PHF12: variants seen among roughly 807,000 people sequenced by gnomAD.
PHF12 encodes PHD finger protein 12.
In PHF12, 6 loss-of-function variants were observed where a neutral mutation model predicts 99.8. That is an observed-to-expected ratio of 0.06 (90% CI 0.03 to 0.12). The LOEUF (loss-of-function observed/expected upper bound fraction) is 0.12. Among genes scored for constraint, PHF12 ranks in the 10% least tolerant of loss-of-function variants. The probability of loss-of-function intolerance (pLI) is 1.00; values close to 1 mark genes in which losing one functional copy is unlikely to be tolerated. For synonymous variants in PHF12, 480 were observed against 514.9 expected, an observed-to-expected ratio of 0.93 and a Z score of 0.92; for missense variants, 954 against 1,300.1, an observed-to-expected ratio of 0.73 and a Z score of 4.09.
Position 28,950,213 on chromosome 17 carries a change from C to G in PHF12, c.100G>C (p.Asp34His). The G allele has an allele frequency of 6.2e-7, 1 of 1,612,388 alleles. No individual in the cohort carries two copies. The highest frequency in any genetic ancestry group is 1.1e-5 in the South Asian group (1 of 91,064). Residue 34 changes from aspartate (D) to histidine (H), a missense_variant, in exon 2 of 15, where the codon GAC becomes CAC. This residue lies in a region of PHF12 where 66 missense variants were observed against 69.4 expected (regional missense o/e 0.95). Coordinates refer to ENST00000332830, the MANE Select transcript of PHF12 (RefSeq NM_001033561.2). This position sits in a 1 kb window ranked among gnomAD's most constrained non-coding sequence, Gnocchi z 5.7. ...IQALLAPPKTDEAEKRSRKPE... is the reference protein window; with the variant it reads ...IQALLAPPKTHEAEKRSRKPE... The stretch of plus-strand genomic sequence containing the variant: ...TTCCGACTGCGCTTTTCTGCCTCGT[C>G]CGTCTTGGGGGGAGCCAGCAGAGCT...
intron 2 of PHF12, among the ~76,000 whole-genome samples, chr17:28,937,136 T>A (rs1385415936): frequency 1.3e-5 from 2 of 152,224 alleles, no homozygotes; most frequent in South Asian, 2.1e-4. Context: ...ATTTAAATTT[T>A]AATTTAAATT....
At chr17:28,933,491 A>G (rs1366333807) in intron 2 of PHF12, among the ~76,000 whole-genome samples, 1 of 152,154 alleles carries the variant, frequency 6.6e-6, no homozygotes, top group African/African-American at 2.4e-5. Flanking sequence ...AGCCTAAGCT[A>G]TTTTTGTTGT....
At position 28,950,226 on chromosome 17, in the gene PHF12, A is replaced by C; in HGVS notation, c.87T>G (p.Ala29=). Reference sequence around the variant, plus strand: ...TTTCTGCCTCGTCCGTCTTGGGGGGAGCCAGCAGAGCTTGGATTTGCTGCA... The same window carrying C: ...TTTCTGCCTCGTCCGTCTTGGGGGGCGCCAGCAGAGCTTGGATTTGCTGCA... ...GLMEQIQALL[A]PPKTDEAEKR... is the part of the protein sequence containing the mutation. Residue 29 remains alanine, a synonymous_variant, in exon 2 of 15, where the codon GCT becomes GCG. Coordinates refer to ENST00000332830, the MANE Select transcript of PHF12 (RefSeq NM_001033561.2). This position sits in a 1 kb window ranked among gnomAD's most constrained non-coding sequence, Gnocchi z 5.7. The C allele has an allele frequency of 6.2e-7, 1 of 1,605,180 alleles. No individual in the cohort carries two copies. Among genetic ancestry groups the C allele is most frequent in the African/African-American group, 1.4e-5 (1 of 73,256 alleles).
chr17:28,906,514 C>T lies in PHF12; in HGVS notation c.2684G>A (p.Arg895His), dbSNP rs774577959. ...TTCGTCCTGTTTCTGGTGCCGGCGG[C>T]GCCCTGGGAAAAAGGGGGATGGTCA... Reference protein sequence around the residue: ...IVAKVQSVIRRRRHQKQDEEP... With the variant: ...IVAKVQSVIRHRRHQKQDEEP... The change falls in exon 15 of 15, where the codon CGC becomes CAC. Residue 895 changes from arginine (R) to histidine (H), a missense_variant. Arg to His is a conservative substitution (Grantham distance 29, BLOSUM62 0). This residue lies in a region of PHF12 where 136 missense variants were observed against 172.3 expected (regional missense o/e 0.79). Transcript: ENST00000332830. This position sits in a 1 kb window ranked among gnomAD's most constrained non-coding sequence, Gnocchi z 4.2. 1.6e-5 allele frequency: 25 copies of T among 1,592,320 alleles called. No individual in the cohort carries two copies. The highest frequency in any genetic ancestry group is 8.6e-5 in the Admixed American group (5 of 57,990).
Position 28,951,424 on chromosome 17 carries a change from C to T in PHF12, c.-464G>A, listed in dbSNP as rs1037588258. 2.0e-6 allele frequency: 2 copies of T among 987,176 alleles called. No homozygotes were observed. Among genetic ancestry groups the T allele is most frequent in the African/African-American group, 1.7e-5 (1 of 57,404 alleles). The allele number at this position is 987,176 out of a possible 1,614,324, so 61.2% of individuals were successfully genotyped here. A position where few individuals can be genotyped will look rare whatever the true frequency, so the allele number is the denominator to read the frequency against. Reference sequence around the variant, plus strand: ...CCCGGGCTCCGCCTCTCGCCGCCGCCGCCGTCTGCGTCCCGGCTGCCGCGC... The same window carrying T: ...CCCGGGCTCCGCCTCTCGCCGCCGCTGCCGTCTGCGTCCCGGCTGCCGCGC... On this transcript the variant is annotated 5_prime_UTR_variant, in exon 1 of 15. Transcript: ENST00000332830.
intron 2 of PHF12, among the ~76,000 whole-genome samples, chr17:28,933,606 C>T (rs987935721): frequency 2.0e-5 from 3 of 152,184 alleles, no homozygotes; most frequent in Non-Finnish European, 1.5e-5. Context: ...AGTGAAATAT[C>T]CATCAGGGTA....
At chr17:28,946,186 C>T (rs1418421074) in intron 2 of PHF12, among the ~76,000 whole-genome samples, 1 of 152,190 alleles carries the variant, frequency 6.6e-6, no homozygotes, top group Non-Finnish European at 1.5e-5. Flanking sequence ...TCTCTAGGGA[C>T]AGGTTTAGTA....
At position 28,949,822 on chromosome 17, in the gene PHF12, T is replaced by G; in HGVS notation, c.248+243A>C. 5.9e-5 allele frequency: 27 copies of G among 461,082 alleles called. No individual in the cohort carries two copies. Among genetic ancestry groups the G allele is most frequent in the East Asian group, 1.5e-4 (4 of 26,004 alleles). 28.6% of individuals were successfully genotyped at this position (461,082 alleles called of 1,614,324 possible). A position where few individuals can be genotyped will look rare whatever the true frequency, so the allele number is the denominator to read the frequency against. On this transcript the variant is annotated intron_variant, in intron 2 of 14. Coordinates refer to ENST00000332830, the MANE Select transcript of PHF12 (RefSeq NM_001033561.2). This position sits in a 1 kb window ranked among gnomAD's most constrained non-coding sequence, Gnocchi z 4.6. The stretch of plus-strand genomic sequence containing the variant: ...GGCTCCCCAGCGACTTCCAATCCCA[T>G]ATGGGGTTCTCTTCACTCGTCCCAA...
In PHF12 at chr17:28,911,156, A is replaced by C; in HGVS notation, c.2171T>G (p.Val724Gly). The change falls in exon 10 of 15, where the codon GTG (valine) becomes GGG (glycine). Residue 724 changes from valine (V) to glycine (G), a missense_variant. Transcript: ENST00000332830. ...PSFPANSTAM[V>G]DLTNSLRAFM... Reference sequence around the variant, plus strand: ...TGCTCGAAGTGAGTTGGTGAGGTCCACCATGGCAGTAGAGTTGGCTGGGAA... The same window carrying C: ...TGCTCGAAGTGAGTTGGTGAGGTCCCCCATGGCAGTAGAGTTGGCTGGGAA... 6.2e-7 allele frequency: 1 copy of C among 1,614,164 alleles called. No homozygotes were observed. Among genetic ancestry groups the C allele is most frequent in the Non-Finnish European group, 8.5e-7 (1 of 1,180,004 alleles).
intron 2 of PHF12, among the ~76,000 whole-genome samples, chr17:28,944,080 T>C (rs1467040424): frequency 6.6e-6 from 1 of 152,240 alleles, no homozygotes; most frequent in African/African-American, 2.4e-5. Context: ...CAGACCAACA[T>C]GAATCCCATC....
At chr17:28,922,953 A>G (rs1367311153) in intron 4 of PHF12, among the ~76,000 whole-genome samples, 1 of 151,924 alleles carries the variant, frequency 6.6e-6, no homozygotes, top group Non-Finnish European at 1.5e-5. Flanking sequence ...GGTGGTGTAC[A>G]ACTGTGGTCC....
chr17:28,917,328 G>C lies in PHF12; in HGVS notation c.1091C>G (p.Pro364Arg). The C allele has an allele frequency of 1.2e-6, 2 of 1,614,062 alleles. No homozygotes were observed. The highest frequency in any genetic ancestry group is 1.3e-5 in the African/African-American group (1 of 75,014). ...FLNRIHKKHP[P>R]NRRVLQSVKR... ...GACCGACTGGAGCACACGCCGGTTA[G>C]GGGGGTGCTTCTTGTGGATTCGGTT... Residue 364 changes from proline to arginine, a missense_variant, in exon 7 of 15, where the codon CCT becomes CGT. Around this residue, in one of 8 missense-constraint regions of PHF12, gnomAD observed 392 missense variants for 423.1 expected, o/e 0.93. Transcript: ENST00000332830.
In PHF12 at chr17:28,950,214, C is replaced by G. The variant is rs748445975; in HGVS notation, c.99G>C (p.Thr33=). The change falls in exon 2 of 15, where the codon ACG becomes ACC. Residue 33 remains threonine, a synonymous_variant. Transcript: ENST00000332830. The surrounding 1 kb of genome is among the most constrained non-coding windows in gnomAD (Gnocchi z 5.7). ...TCCGACTGCGCTTTTCTGCCTCGTCCGTCTTGGGGGGAGCCAGCAGAGCTT... is the reference window on the plus strand; with the variant it reads ...TCCGACTGCGCTTTTCTGCCTCGTCGGTCTTGGGGGGAGCCAGCAGAGCTT... ...QIQALLAPPK[T]DEAEKRSRKP... The G allele has an allele frequency of 6.2e-7, 1 of 1,612,206 alleles. No individual in the cohort carries two copies.
intron 2 of PHF12, among the ~76,000 whole-genome samples, chr17:28,930,874 C>A (rs1300986548): frequency 6.6e-6 from 1 of 152,220 alleles, no homozygotes; most frequent in East Asian, 1.9e-4. Flanking sequence ...AGTTCAAGAC[C>A]AGCCTGGGCG....
chr17:28,941,963 C>T (rs1009797602), intron 2 of PHF12, among the ~76,000 whole-genome samples: 1 of 152,188 alleles, frequency 6.6e-6, no homozygotes, highest in Non-Finnish European at 1.5e-5. Context: ...CAAACACAGA[C>T]ATTTTCTGTT....
At chr17:28,924,424 T>C (rs759626990) in intron 3 of PHF12, 122 bp from the exon 4 acceptor site, 3 of 1,325,308 alleles carry the variant, frequency 2.3e-6, no homozygotes, top group Non-Finnish European at 2.1e-6. Flanking sequence ...CACAGACTCA[T>C]CTACCTGGTC....
chr17:28,926,597 A>C (rs745687766), intron 3 of PHF12: 26 of 377,916 alleles, frequency 6.9e-5, no homozygotes, highest in Non-Finnish European at 1.2e-4. Context: ...CTCCGTCAGT[A>C]TGCCAAGTCT....
intron 2 of PHF12, among the ~76,000 whole-genome samples, chr17:28,940,067 T>C (rs111771957): frequency 0.017 from 2,530 of 152,240 alleles, 62 homozygotes; most frequent in African/African-American, 0.058. Flanking sequence ...TTGGGAGATA[T>C]CCCATAAAAT....
At chr17:28,907,942 G>A (rs1002465566) in intron 12 of PHF12, 2 of 327,958 alleles carry the variant, frequency 6.1e-6, no homozygotes, top group African/African-American at 2.1e-5. Flanking sequence ...TACTGAAGAG[G>A]ATGGGATATT....
Sources: gnomAD v4.1 joint callset for allele counts (sites outside exome capture counted in the v4.1 genomes callset) on GRCh38, gnomAD v4.1.1 for gene constraint, gnomAD v4.1.1 regional missense constraint, Gnocchi (gnomAD v3.1) non-coding constraint, MANE v1.5 for transcripts, NCBI Gene and HGNC (gene_info 2026-07-23, HGNC 2026-07-21) for gene names.